CEP83: variants seen among roughly 807,000 people sequenced by gnomAD.
CEP83 encodes the protein centrosomal protein 83.
In CEP83, 70 loss-of-function variants were observed where a neutral mutation model predicts 101.9. The observed-to-expected ratio is 0.69, with a 90% CI of 0.57 to 0.84. The LOEUF is 0.84. Among genes scored for constraint, CEP83 ranks in the 40% least tolerant of loss-of-function variants. The pLI is 0.00. For synonymous variants in CEP83, 264 were observed against 267.9 expected (o/e 0.99, Z 0.14); for missense variants, 715 against 787.2 (o/e 0.91, Z 1.10).
At chr12:94,388,494 T>C (rs1362941152) in intron 6 of CEP83, among the ~76,000 whole-genome samples, 2 of 152,130 alleles carry the variant, frequency 1.3e-5, no homozygotes, top group African/African-American at 4.8e-5. Context: ...ATGCTCAGTA[T>C]CTAGGTGACG....
chr12:94,293,281 T>C, the CEP83 span, among the ~76,000 whole-genome samples: 1 of 152,228 alleles, frequency 6.6e-6, no homozygotes, highest in Admixed American at 6.5e-5. Flanking sequence ...AATCGCTCCC[T>C]ATCAGGATTT....
chr12:94,448,224 T>C (rs576664281), intron 1 of CEP83, among the ~76,000 whole-genome samples: 1 of 152,188 alleles, frequency 6.6e-6, no homozygotes, highest in South Asian at 2.1e-4. Flanking sequence ...AAGGAGGCCA[T>C]TTCATAATGA....
chr12:94,412,232 T>C (rs2063929904), intron 3 of CEP83, 86 bp downstream of exon 3: 1 of 1,093,346 alleles, frequency 9.1e-7, no homozygotes, highest in Non-Finnish European at 1.3e-6. Flanking sequence ...AACAAAATTA[T>C]ACTATATTCT....
At chr12:94,300,652 A>G in the CEP83 span, among the ~76,000 whole-genome samples, 2 of 152,130 alleles carry the variant, frequency 1.3e-5, no homozygotes, top group African/African-American at 4.8e-5. Context: ...TATAATCAAG[A>G]GCTATCTGGA....
chr12:94,337,158 T>A (rs1055842347), intron 11 of CEP83, among the ~76,000 whole-genome samples: 10 of 152,216 alleles, frequency 6.6e-5, no homozygotes, highest in Non-Finnish European at 1.5e-4. Context: ...ATGCTTTCTA[T>A]ATAGGTTACA....
chr12:94,361,250 C>T (rs2060740552), intron 11 of CEP83: 1 of 152,216 alleles, frequency 6.6e-6, no homozygotes, highest in African/African-American at 2.4e-5. Context: ...CCTATAGTCT[C>T]AGCTACTTGG....
chr12:94,288,323 C>T, the CEP83 span, among the ~76,000 whole-genome samples: 1 of 152,184 alleles, frequency 6.6e-6, no homozygotes, highest in Non-Finnish European at 1.5e-5. Flanking sequence ...CTCTCTCAGG[C>T]ATCTGGGCTC....
At chr12:94,409,889 G>C (rs2063774455) in intron 4 of CEP83, among the ~76,000 whole-genome samples, 1 of 151,832 alleles carries the variant, frequency 6.6e-6, no homozygotes, top group South Asian at 2.1e-4. Context: ...TGAGTTAAAG[G>C]CTCATCATAC....
rs116296075 is a variant in CEP83 at position 94,345,435 on chromosome 12, C to T, written c.1344-9771G>A. Among the ~76,000 whole-genome samples the T allele has an allele frequency of 8.7e-3, 1,323 of 152,224 alleles. 22 individuals carry two copies. Among genetic ancestry groups the T allele is most frequent in the African/African-American group, 0.031 (1,271 of 41,520 alleles). On this transcript the variant is annotated intron_variant, in intron 11 of 16. Coordinates refer to ENST00000397809, the MANE Select transcript of CEP83 (RefSeq NM_016122.3). ...CCTTTGTTTATGGCTCGGGAGGCAG[C>T]TTCAGAACAGCTTCAGAGTGATAAA...
At chr12:94,455,817 G>T (rs2067625722) in intron 1 of CEP83, among the ~76,000 whole-genome samples, 1 of 152,086 alleles carries the variant, frequency 6.6e-6, no homozygotes, top group Non-Finnish European at 1.5e-5. Context: ...GGCCAAGGTG[G>T]GTGAATCACT....
Position 94,328,132 on chromosome 12 carries a change from C to T in CEP83, c.1707+3568G>A, listed in dbSNP as rs535317914. 57 of 180,464 alleles carry T rather than the reference C, an allele frequency of 3.2e-4. 1 individual carries two copies. The South Asian group carries it at 4.2e-3, about 13-fold the overall frequency. The allele number at this position is 180,464 out of a possible 1,614,324, so 11.2% of individuals were successfully genotyped here. A position where few individuals can be genotyped will look rare whatever the true frequency, so the allele number is the denominator to read the frequency against. On this transcript the variant is annotated intron_variant, in intron 14 of 16. Transcript: ENST00000397809. ...ATCTGACCAAGAATTATTTCAGAGA[C>T]GTATACCTTAGAATAAAATTAACAA...
chr12:94,401,332 T>G (rs2063243549), intron 5 of CEP83: 1 of 152,764 alleles, frequency 6.5e-6, no homozygotes, highest in Admixed American at 6.5e-5. Flanking sequence ...AAATATAGAT[T>G]TTTTAAATGT....
At chr12:94,304,223 G>A (rs1968776156), downstream of CEP83, 2 of 528,810 alleles carry the variant, frequency 3.8e-6, no homozygotes, top group South Asian at 2.7e-5. Context: ...GTACATGGCT[G>A]CCCCCCTTAC....
chr12:94,375,780 A>G (rs1045977554), intron 8 of CEP83, 106 bp downstream of exon 8: 2 of 556,048 alleles, frequency 3.6e-6, no homozygotes, highest in South Asian at 4.9e-5. Flanking sequence ...GCAGAATGAT[A>G]TAATAAAACA....
At chr12:94,351,302 G>T (rs942310635) in intron 11 of CEP83, among the ~76,000 whole-genome samples, 6 of 152,284 alleles carry the variant, frequency 3.9e-5, no homozygotes, top group African/African-American at 1.4e-4. Context: ...ACAGGGAGCT[G>T]CTTGGAGTCC....
chr12:94,351,947 C>G (rs1028907564), intron 11 of CEP83, among the ~76,000 whole-genome samples: 4 of 152,218 alleles, frequency 2.6e-5, no homozygotes, highest in African/African-American at 9.6e-5. Flanking sequence ...ACACGAATTA[C>G]AGCCAAAGAT....
the CEP83 span, among the ~76,000 whole-genome samples, chr12:94,290,366 A>AT: frequency 2.0e-5 from 3 of 152,246 alleles, no homozygotes; most frequent in Non-Finnish European, 4.4e-5. Context: ...GAATTGAAAA[A>AT]TCAGCCAGCA....
In CEP83 at chr12:94,308,548, TCTAA is replaced by T. The variant is rs142765580; in HGVS notation, c.*261_*264del. 1 of 249,126 alleles carries T rather than the reference TCTAA, an allele frequency of 4.0e-6. No individual in the cohort carries two copies. The highest frequency in any genetic ancestry group is 8.8e-5 in the South Asian group (1 of 11,382). 15.4% of individuals were successfully genotyped at this position (249,126 alleles called of 1,614,324 possible). ...CAAAGTAAAAATTTTAAAACTTGAC[TCTAA>T]CTAGTTCCTTTTTGTTTTACATTCT... On this transcript the variant is annotated 3_prime_UTR_variant, in exon 17 of 17. Transcript: ENST00000397809.
chr12:94,427,867 G>C (rs1265901652), intron 2 of CEP83, among the ~76,000 whole-genome samples: 1 of 152,084 alleles, frequency 6.6e-6, no homozygotes, highest in African/African-American at 2.4e-5. Context: ...ACAGCCTTTG[G>C]ATAGCCATCC....
Sources: gnomAD v4.1 joint callset for allele counts (sites outside exome capture counted in the v4.1 genomes callset) on GRCh38, gnomAD v4.1.1 for gene constraint, MANE v1.5 for transcripts, NCBI Gene and HGNC (gene_info 2026-07-23, HGNC 2026-07-21) for gene names.